Variants in HBS1L observed in about 807,000 individuals in gnomAD.
HBS1L encodes HBS1 like translational GTPase.
A neutral mutation model predicts 88.9 loss-of-function variants in HBS1L; 55 were observed. The ratio of observed to expected loss-of-function variants is 0.62; its 90% CI spans 0.50 to 0.77. The LOEUF (loss-of-function observed/expected upper bound fraction) is 0.77, where lower values mean the gene tolerates loss of function less well. Ranked by LOEUF, HBS1L falls within the 30% of genes least tolerant of loss-of-function variation. The pLI, the probability that HBS1L is intolerant of heterozygous loss-of-function variation, is 0.00. For synonymous variants in HBS1L, 267 were observed against 288.5 expected, an observed-to-expected ratio of 0.93 and a Z score of 0.76; for missense variants, 741 against 829.3, an observed-to-expected ratio of 0.89 and a Z score of 1.31.
intron 4 of HBS1L, among the ~76,000 whole-genome samples, chr6:135,005,482 T>C (rs1775585636): frequency 6.6e-6 from 1 of 152,230 alleles, no homozygotes. Flanking sequence ...GTTAATGTTT[T>C]CCTAAATCCA....
chr6:134,985,491 A>T, intron 11 of HBS1L, 82 bp from the exon 12 acceptor site: 1 of 781,378 alleles, frequency 1.3e-6, no homozygotes, highest in Non-Finnish European at 2.1e-6. Context: ...TTATAATCCC[A>T]CTTCTCCTAG....
chr6:134,988,684 C>A (rs911651766), intron 8 of HBS1L, among the ~76,000 whole-genome samples: 10 of 152,160 alleles, frequency 6.6e-5, no homozygotes, highest in African/African-American at 2.4e-4. Context: ...GGCAAGGATA[C>A]GGTGAGAAGC....
chr6:135,008,862 G>A (rs1775686868), intron 4 of HBS1L, among the ~76,000 whole-genome samples: 1 of 152,036 alleles, frequency 6.6e-6, no homozygotes. Context: ...ATGACACAGT[G>A]CTCTGCCTAC....
chr6:135,037,471 G>T, intron 4 of HBS1L: 2 of 1,548,828 alleles, frequency 1.3e-6, no homozygotes, highest in Non-Finnish European at 8.7e-7. Flanking sequence ...ATTTTCCAAC[G>T]AGCTAGTTAA....
At chr6:135,047,795 C>T (rs190655906) in intron 2 of HBS1L, among the ~76,000 whole-genome samples, 13 of 152,268 alleles carry the variant, frequency 8.5e-5, no homozygotes, top group Admixed American at 7.8e-4. Context: ...CTCTAATGTG[C>T]TTAGAATGTG....
At chr6:135,050,125 A>G (rs1005493815) in intron 2 of HBS1L, among the ~76,000 whole-genome samples, 2 of 152,268 alleles carry the variant, frequency 1.3e-5, no homozygotes, top group South Asian at 2.1e-4. Context: ...TGTGGCTCCA[A>G]AAGAAGTCTG....
chr6:135,001,383 AATTTGGGTTC>A (rs1380179782), intron 5 of HBS1L, among the ~76,000 whole-genome samples: 1 of 152,178 alleles, frequency 6.6e-6, no homozygotes, highest in Non-Finnish European at 1.5e-5. Flanking sequence ...ATAATACATT[AATTTGGGTTC>A]ATTTGCATGT....
At chr6:134,994,777 G>C (rs1407522063) in intron 7 of HBS1L, among the ~76,000 whole-genome samples, 1 of 152,000 alleles carries the variant, frequency 6.6e-6, no homozygotes. Context: ...TTTCAGATTA[G>C]GGATGCTTAA....
At chr6:135,039,513 A>T in intron 4 of HBS1L, 60 bp downstream of exon 4, 1 of 1,344,060 alleles carries the variant, frequency 7.4e-7, no homozygotes, top group Non-Finnish European at 1.0e-6. Context: ...AAGCAAACGA[A>T]AGCCTCTCTT....
chr6:134,968,367 G>A (rs1774378903), intron 16 of HBS1L, among the ~76,000 whole-genome samples: 1 of 151,892 alleles, frequency 6.6e-6, no homozygotes, highest in Non-Finnish European at 1.5e-5. Flanking sequence ...TCCTGCCTCA[G>A]CCTCCTGAGT....
At chr6:134,968,245 T>TTTTTTTTTTTTC (rs1763059149) in intron 16 of HBS1L, among the ~76,000 whole-genome samples, 1 of 103,286 alleles carries the variant, frequency 9.7e-6, no homozygotes, top group Non-Finnish European at 2.0e-5. Context: ...GTAAGAAATC[T>TTTTTTTTTTTTC]TTTTTTTTTT....
At chr6:134,966,294 A>T in intron 17 of HBS1L, 35 bp downstream of exon 17, 2 of 1,566,138 alleles carry the variant, frequency 1.3e-6, no homozygotes, top group Non-Finnish European at 1.7e-6. Context: ...CATCATAACT[A>T]TGGATATATA....
At chr6:135,043,622 C>T (rs960219137) in intron 2 of HBS1L, among the ~76,000 whole-genome samples, 4 of 152,020 alleles carry the variant, frequency 2.6e-5, no homozygotes, top group African/African-American at 9.7e-5. Flanking sequence ...ATTCTAAAAG[C>T]CAAATGAGTA....
At chr6:134,971,491 C>A (rs1183357982) in intron 15 of HBS1L, among the ~76,000 whole-genome samples, 2 of 152,138 alleles carry the variant, frequency 1.3e-5, no homozygotes, top group African/African-American at 4.8e-5. Flanking sequence ...TTCTTCTACC[C>A]TTGGTGAGCT....
intron 3 of HBS1L, 67 bp downstream of exon 3, chr6:135,041,934 T>G: frequency 7.1e-7 from 1 of 1,404,020 alleles, no homozygotes; most frequent in Non-Finnish European, 1.0e-6. Context: ...ACAATAAAAC[T>G]GATAAATTCT....
chr6:134,991,413 TC>T lies in HBS1L; in HGVS notation c.1083+2344del, dbSNP rs1180814876. ...GCTTTTTGGAACTTTGTGGAATTTGTCCCCCCCAAATATTCCAATCCACAGT... is the reference window on the plus strand; with the variant it reads ...GCTTTTTGGAACTTTGTGGAATTTGTCCCCCCAAATATTCCAATCCACAGT... On this transcript the variant is annotated intron_variant, in intron 8 of 17. Coordinates refer to ENST00000367837, the MANE Select transcript of HBS1L (RefSeq NM_006620.4). Among the ~76,000 whole-genome samples the T allele has an allele frequency of 2.6e-5, 4 of 152,062 alleles. No homozygotes were observed. In the East Asian group the frequency reaches 5.8e-4, roughly 22 times the overall value.
At chr6:134,984,439 T>C (rs545045772) in intron 12 of HBS1L, among the ~76,000 whole-genome samples, 2 of 152,268 alleles carry the variant, frequency 1.3e-5, no homozygotes, top group East Asian at 3.9e-4. Context: ...ATTATAATGC[T>C]GCATGAAAGC....
At chr6:135,039,178 G>A (rs1236206337) in intron 4 of HBS1L, among the ~76,000 whole-genome samples, 1 of 151,978 alleles carries the variant, frequency 6.6e-6, no homozygotes, top group Non-Finnish European at 1.5e-5. Context: ...AAAAAGCCAG[G>A]CATGGTGGCA....
chr6:134,967,399 G>A (rs1017503837), intron 16 of HBS1L, among the ~76,000 whole-genome samples: 29 of 152,126 alleles, frequency 1.9e-4, no homozygotes, highest in African/African-American at 6.8e-4. Context: ...CCTTAGGAAG[G>A]AGAGCATCTA....
Sources: gnomAD v4.1 joint callset for allele counts (sites outside exome capture counted in the v4.1 genomes callset) on GRCh38, gnomAD v4.1.1 for gene constraint, MANE v1.5 for transcripts, NCBI Gene and HGNC (gene_info 2026-07-23, HGNC 2026-07-21) for gene names.